Variants in NBPF12 observed in about 807,000 individuals in gnomAD.
The protein encoded by NBPF12 is NBPF family member NBPF12.
Under a neutral mutation model 146.4 loss-of-function variants are expected in NBPF12, and 115 were observed. The observed-to-expected ratio is 0.79, with a 90% CI of 0.68 to 0.92. The LOEUF (loss-of-function observed/expected upper bound fraction) is 0.92. Ranked by LOEUF, NBPF12 falls within the 40% of genes least tolerant of loss-of-function variation. The probability of loss-of-function intolerance (pLI) is 0.00; values close to 1 mark genes in which losing one functional copy is unlikely to be tolerated. For missense variants in NBPF12, 1,205 were observed against 1,326.8 expected (o/e 0.91, Z 1.43); for synonymous variants, 385 against 508.9 (o/e 0.76, Z 3.28).
Position 146,966,683 on chromosome 1 carries a change from A to T in NBPF12, c.988+10A>T. On this transcript the variant is annotated intron_variant, in intron 9 of 33. Coordinates refer to ENST00000617844, the Ensembl canonical transcript of NBPF12. Reference sequence around the variant, plus strand: ...CAGCAGAACAAATACAGTAAGATCTACAGGCTCACCATCACGAAAGTGATG... The same window carrying T: ...CAGCAGAACAAATACAGTAAGATCTTCAGGCTCACCATCACGAAAGTGATG... The T allele has an allele frequency of 7.8e-7, 1 of 1,278,976 alleles. No homozygotes were observed. Among genetic ancestry groups the T allele is most frequent in the Non-Finnish European group, 1.1e-6 (1 of 876,598 alleles). 79.2% of individuals were successfully genotyped at this position (1,278,976 alleles called of 1,614,324 possible). A position where few individuals can be genotyped will look rare whatever the true frequency, so the allele number is the denominator to read the frequency against.
exon 14 of NBPF12, chr1:146,972,919 C>T: frequency 1.0e-6 from 1 of 982,382 alleles, no homozygotes; most frequent in Non-Finnish European, 1.7e-6. Context: ...TGTTTTGTAA[C>T]TCAAGTGGCC....
At chr1:146,966,081 T>C (rs1389167488) in intron 8 of NBPF12, among the ~76,000 whole-genome samples, 1 of 151,794 alleles carries the variant, frequency 6.6e-6, no homozygotes, top group African/African-American at 2.4e-5. Context: ...CACTGCAGCC[T>C]GCGCGACAGA....
chr1:146,962,444 G>A (rs1655914385), intron 5 of NBPF12, among the ~76,000 whole-genome samples, 181 bp downstream of exon 8: 1 of 152,010 alleles, frequency 6.6e-6, no homozygotes, highest in Non-Finnish European at 1.5e-5. Flanking sequence ...CTGTGTTGCA[G>A]TTGTTTCTTA....
intron 13 of NBPF12, among the ~76,000 whole-genome samples, chr1:146,972,348 T>C (rs1365577258): frequency 2.6e-5 from 4 of 151,224 alleles, no homozygotes; most frequent in African/African-American, 9.8e-5. Flanking sequence ...GAGCTGAGAT[T>C]GTGCCTCTGC....
intron 2 of NBPF12, among the ~76,000 whole-genome samples, chr1:146,954,163 G>A (rs1655448114): frequency 6.7e-6 from 1 of 150,168 alleles, no homozygotes; most frequent in Non-Finnish European, 1.5e-5. Flanking sequence ...AAGCCGAGGT[G>A]GGCAGATCAT....
At chr1:146,967,881 C>T (rs1656307321) in intron 9 of NBPF12, among the ~76,000 whole-genome samples, 1 of 130,196 alleles carries the variant, frequency 7.7e-6, no homozygotes, top group South Asian at 2.3e-4. Context: ...ACTTCATTAG[C>T]ATTTGGGCAT....
chr1:146,939,334 T>G (rs1654687891), intron 1 of NBPF12, among the ~76,000 whole-genome samples: 1 of 151,970 alleles, frequency 6.6e-6, no homozygotes, highest in African/African-American at 2.4e-5. Context: ...GGCCGTTCCT[T>G]CTGGGAACTT....
intron 10 of NBPF12, among the ~76,000 whole-genome samples, chr1:146,968,760 C>T (rs1403232559): frequency 6.6e-6 from 1 of 151,528 alleles, no homozygotes; most frequent in African/African-American, 2.4e-5. Context: ...CTTGTTTTCT[C>T]TTTTTCAAAC....
At chr1:146,994,695 G>C in exon 34 of NBPF12, 1 of 1,493,186 alleles carries the variant, frequency 6.7e-7, no homozygotes, top group Non-Finnish European at 9.0e-7. Context: ...CAGTGGGCAT[G>C]GCTCTATTCC....
rs1177077299 is a variant in NBPF12 at position 146,976,756 on chromosome 1, G to T, written c.2120-173G>T. Among the ~76,000 whole-genome samples the T allele has an allele frequency of 5.3e-5, 8 of 150,730 alleles. No homozygotes were observed. The East Asian group carries it at 1.4e-3, about 26-fold the overall frequency. Reference sequence around the variant, plus strand: ...TGGCCCTCCAGATCAGAAATGCATTGCCTGATGGACCAGGAAACCATGCCA... The same window carrying T: ...TGGCCCTCCAGATCAGAAATGCATTTCCTGATGGACCAGGAAACCATGCCA... On this transcript the variant is annotated intron_variant, in intron 16 of 33. Coordinates refer to ENST00000617844, the Ensembl canonical transcript of NBPF12.
chr1:146,954,739 A>C (rs1172565123), intron 2 of NBPF12, among the ~76,000 whole-genome samples: 11 of 150,052 alleles, frequency 7.3e-5, no homozygotes, highest in African/African-American at 2.4e-4. Flanking sequence ...ATTACTCTAC[A>C]TACAGCTATG....
chr1:146,939,838 C>T (rs1378298194), intron 1 of NBPF12, among the ~76,000 whole-genome samples: 1 of 151,806 alleles, frequency 6.6e-6, no homozygotes. Flanking sequence ...AAAAAATTAG[C>T]CGGGAGTGGT....
At chr1:146,971,297 C>A in exon 13 of NBPF12, 1 of 1,612,290 alleles carries the variant, frequency 6.2e-7, no homozygotes, top group South Asian at 1.1e-5. Context: ...ACAAGAACAT[C>A]AAAATCACAT....
intron 2 of NBPF12, among the ~76,000 whole-genome samples, chr1:146,955,897 G>T (rs1490709320): frequency 2.0e-4 from 30 of 150,832 alleles, no homozygotes; most frequent in Non-Finnish European, 3.7e-4. Flanking sequence ...TCGTTATTTC[G>T]TCATGCTTTA....
At chr1:146,969,045 A>G (rs1656397018) in intron 10 of NBPF12, among the ~76,000 whole-genome samples, 2 of 151,442 alleles carry the variant, frequency 1.3e-5, no homozygotes, top group Admixed American at 6.6e-5. Flanking sequence ...CGCAAGATGC[A>G]CTATGTGTAT....
rs1656592960 is a variant in NBPF12 at position 146,971,259 on chromosome 1, C to T, written c.1456C>T (p.His486Tyr). ...ATGTGCCATCACTTGTTCAAATAGC[C>T]ACGGCCCTTGTGACTCCAACCAGCC... The change falls in exon 13 of 34, where the codon CAC becomes TAC. Residue 486 changes from histidine to tyrosine, a missense_variant. By Grantham distance (83) the His-to-Tyr change is moderately conservative. This residue lies in a region of NBPF12 where 278 missense variants were observed against 203.1 expected (regional missense o/e 1.37). Coordinates refer to ENST00000617844, the Ensembl canonical transcript of NBPF12. The T allele has an allele frequency of 5.0e-6, 8 of 1,612,272 alleles. No individual in the cohort carries two copies. In the South Asian group the frequency reaches 7.7e-5, roughly 15 times the overall value.
intron 6 of NBPF12, 62 bp from the exon 10 acceptor site, chr1:146,964,295 G>A (rs1656051339): frequency 1.3e-6 from 2 of 1,592,624 alleles, no homozygotes; most frequent in African/African-American, 2.7e-5. Context: ...GTGCACGTTG[G>A]GCTGACTGTG....
At chr1:146,973,087 G>A (rs1315691795) in intron 14 of NBPF12, 127 bp downstream of exon 17, 2 of 555,942 alleles carry the variant, frequency 3.6e-6, no homozygotes, top group South Asian at 1.9e-5. Context: ...ACAGAAATGG[G>A]TATTTTAACA....
At chr1:146,966,129 AAAG>A (rs1186196136) in intron 8 of NBPF12, among the ~76,000 whole-genome samples, 1 of 151,916 alleles carries the variant, frequency 6.6e-6, no homozygotes, top group Non-Finnish European at 1.5e-5. Context: ...AAAAACCAAA[AAAG>A]AAAAAAATTA....
Sources: gnomAD v4.1 joint callset for allele counts (sites outside exome capture counted in the v4.1 genomes callset) on GRCh38, gnomAD v4.1.1 for gene constraint, gnomAD v4.1.1 regional missense constraint, MANE v1.5 for transcripts, NCBI Gene and HGNC (gene_info 2026-07-23, HGNC 2026-07-21) for gene names.